Variants in CEPT1 observed in about 807,000 individuals in gnomAD.
The protein encoded by CEPT1 is choline/ethanolaminephosphotransferase 1.
Under a neutral mutation model 42.6 loss-of-function variants are expected in CEPT1, and 7 were observed. The ratio of observed to expected loss-of-function variants is 0.16; its 90% CI spans 0.09 to 0.31. The LOEUF is 0.31. Ranked by LOEUF, CEPT1 falls within the 10% of genes least tolerant of loss-of-function variation. The pLI, the probability that CEPT1 is intolerant of heterozygous loss-of-function variation, is 1.00. For synonymous variants in CEPT1, 171 were observed against 171.9 expected, an observed-to-expected ratio of 0.99 and a Z score of 0.04; for missense variants, 306 against 502.1, an observed-to-expected ratio of 0.61 and a Z score of 3.73.
intron 5 of CEPT1, among the ~76,000 whole-genome samples, chr1:111,175,417 T>C (rs977837448): frequency 1.3e-5 from 2 of 152,212 alleles, no homozygotes; most frequent in Non-Finnish European, 1.5e-5. Flanking sequence ...ATGGGATTGT[T>C]TGAACGAGCT....
chr1:111,143,840 CA>C (rs1654800938), intron 1 of CEPT1, among the ~76,000 whole-genome samples: 1 of 152,050 alleles, frequency 6.6e-6, no homozygotes, highest in East Asian at 1.9e-4. Flanking sequence ...CGGGCTCAAG[CA>C]ATCCTCCCAA....
rs1048769570 is a variant in CEPT1, at chr1:111,159,471, A to G, written c.431A>G (p.Asn144Ser). 1.2e-6 allele frequency: 2 copies of G among 1,613,114 alleles called. No individual in the cohort carries two copies. Among genetic ancestry groups the G allele is most frequent in the Non-Finnish European group, 1.7e-6 (2 of 1,179,580 alleles). ...GATGGGAAACAGGCAAGAAGAACCA[A>G]TAGTAGTTCTCCTCTGGGAGAACTT... ...AIDGKQARRT[N>S]SSSPLGELFD... The change falls in exon 3 of 9, where the codon AAT becomes AGT. Residue 144 changes from asparagine to serine, a missense_variant. Physicochemically the swap from Asn to Ser is conservative, Grantham distance 46. Coordinates refer to ENST00000357172, the MANE Select transcript of CEPT1 (RefSeq NM_006090.5).
chr1:111,155,877 ATG>A (rs1262567719), intron 2 of CEPT1, among the ~76,000 whole-genome samples: 1 of 151,950 alleles, frequency 6.6e-6, no homozygotes, highest in Non-Finnish European at 1.5e-5. Context: ...ATATGTGTAT[ATG>A]TGTGTGTGTA....
intron 4 of CEPT1, among the ~76,000 whole-genome samples, chr1:111,169,729 G>T (rs890993290): frequency 6.6e-6 from 1 of 152,068 alleles, no homozygotes; most frequent in African/African-American, 2.4e-5. Flanking sequence ...ACTTCAGAAA[G>T]AATTGTCCTT....
Position 111,182,259 on chromosome 1 carries a change from A to T in CEPT1, c.787A>T (p.Thr263Ser). 6.2e-7 allele frequency: 1 copy of T among 1,613,282 alleles called. No homozygotes were observed. Among genetic ancestry groups the T allele is most frequent in the Non-Finnish European group, 8.5e-7 (1 of 1,179,448 alleles). Reference sequence around the variant, plus strand: ...TGTAGCAGGGACCATATTTTCCTGTACAAATTACTTCCGTGTAATCTTCAC... The same window carrying T: ...TGTAGCAGGGACCATATTTTCCTGTTCAAATTACTTCCGTGTAATCTTCAC... The part of the protein sequence containing the change: ...CTVAGTIFSC[T>S]NYFRVIFTGG... The change falls in exon 6 of 9, where the codon ACA becomes TCA. Residue 263 changes from threonine to serine, a missense_variant. By Grantham distance (58) the Thr-to-Ser change is moderately conservative. Coordinates refer to ENST00000357172, the MANE Select transcript of CEPT1 (RefSeq NM_006090.5).
chr1:111,172,353 C>T (rs1232116534), intron 4 of CEPT1, among the ~76,000 whole-genome samples: 1 of 151,846 alleles, frequency 6.6e-6, no homozygotes, highest in Non-Finnish European at 1.5e-5. Flanking sequence ...GGGAATATTA[C>T]CACTGACGAT....
chr1:111,165,813 C>T (rs1656118176), intron 4 of CEPT1, among the ~76,000 whole-genome samples: 1 of 152,118 alleles, frequency 6.6e-6, no homozygotes, highest in Non-Finnish European at 1.5e-5. Context: ...TCTTTCTTTT[C>T]TATAGTTAAA....
intron 5 of CEPT1, chr1:111,178,321 T>C (rs916549023): frequency 2.6e-5 from 4 of 152,232 alleles, no homozygotes; most frequent in Non-Finnish European, 4.4e-5. Context: ...TTCATAAGGC[T>C]GATTCCAGAA....
At chr1:111,164,850 C>G (rs1185926480) in intron 4 of CEPT1, among the ~76,000 whole-genome samples, 1 of 151,740 alleles carries the variant, frequency 6.6e-6, no homozygotes, top group Non-Finnish European at 1.5e-5. Flanking sequence ...GTCTCGATCT[C>G]CTGACCTCGT....
rs1655047884 is a variant in CEPT1, at chr1:111,147,733, A to G, written c.19A>G (p.Thr7Ala). 1.2e-6 allele frequency: 2 copies of G among 1,609,792 alleles called. No individual in the cohort carries two copies. The highest frequency in any genetic ancestry group is 1.7e-6 in the Non-Finnish European group (2 of 1,176,980). Reference sequence around the variant, plus strand: ...AAGATCCATGAGTGGGCATCGATCAACAAGGAAAAGATGTGGAGATTCTCA... The same window carrying G: ...AAGATCCATGAGTGGGCATCGATCAGCAAGGAAAAGATGTGGAGATTCTCA... The part of the protein sequence containing the change: MSGHRS[T>A]RKRCGDSHPE... Residue 7 changes from threonine (T) to alanine (A), a missense_variant, in exon 2 of 9, where the codon ACA becomes GCA. Physicochemically the swap from Thr to Ala is moderately conservative, Grantham distance 58. Transcript: ENST00000357172.
intron 3 of CEPT1, 52 bp downstream of exon 3, chr1:111,159,579 G>A (rs773074159): frequency 7.1e-7 from 1 of 1,410,940 alleles, no homozygotes; most frequent in Non-Finnish European, 9.7e-7. Flanking sequence ...TTAAACCAGT[G>A]TGCTAAGCAG....
intron 4 of CEPT1, among the ~76,000 whole-genome samples, chr1:111,162,960 A>C (rs1655945765): frequency 6.6e-6 from 1 of 152,184 alleles, no homozygotes; most frequent in Admixed American, 6.5e-5. Context: ...TTGTATTTTT[A>C]TGAGAAAATT....
intron 2 of CEPT1, among the ~76,000 whole-genome samples, chr1:111,151,665 A>G (rs1453541831): frequency 6.6e-6 from 1 of 152,230 alleles, no homozygotes; most frequent in South Asian, 2.1e-4. Context: ...GGCTGTCCTT[A>G]GAGACAATAG....
At chr1:111,183,616 G>T (rs759184836) in intron 8 of CEPT1, 29 bp downstream of exon 8, 2 of 1,584,826 alleles carry the variant, frequency 1.3e-6, no homozygotes. Context: ...CTTATTTCAT[G>T]GTTTGAGGGT....
chr1:111,182,582 G>A (rs1167203050), intron 6 of CEPT1: 21 of 573,750 alleles, frequency 3.7e-5, no homozygotes, highest in Non-Finnish European at 6.2e-5. Flanking sequence ...GTAAAAATAA[G>A]CCTGGTCTCT....
At chr1:111,170,652 T>C (rs1656371059) in intron 4 of CEPT1, among the ~76,000 whole-genome samples, 2 of 152,168 alleles carry the variant, frequency 1.3e-5, no homozygotes, top group South Asian at 4.1e-4. Context: ...TCTGGTAGAA[T>C]CTATAATGAA....
At chr1:111,168,713 C>T (rs921314035) in intron 4 of CEPT1, among the ~76,000 whole-genome samples, 1 of 152,174 alleles carries the variant, frequency 6.6e-6, no homozygotes, top group African/African-American at 2.4e-5. Flanking sequence ...TGGTCTCGAT[C>T]TCCTGACCTC....
chr1:111,156,369 G>C (rs1280100318), intron 2 of CEPT1, among the ~76,000 whole-genome samples: 3 of 152,220 alleles, frequency 2.0e-5, no homozygotes, highest in Non-Finnish European at 4.4e-5. Context: ...TGAGAAGAAT[G>C]TGTATTCTGC....
chr1:111,160,860 T>C (rs775796241), intron 3 of CEPT1: 1 of 368,960 alleles, frequency 2.7e-6, no homozygotes, highest in Non-Finnish European at 5.0e-6. Flanking sequence ...TGCTGATCAT[T>C]AGTACTAGTG....
Sources: allele counts gnomAD v4.1 joint callset (sites outside exome capture counted in the v4.1 genomes callset), GRCh38; gene constraint gnomAD v4.1.1; transcripts MANE v1.5; gene names NCBI Gene and HGNC (gene_info 2026-07-23, HGNC 2026-07-21).